CELF4: variants seen among roughly 807,000 people sequenced by gnomAD.
CELF4 encodes CUGBP Elav-like family member 4.
CELF4 carries 18 observed loss-of-function variants against 59.9 expected under a neutral mutation model. The observed-to-expected ratio is 0.30, with a 90% CI of 0.21 to 0.45. The LOEUF (loss-of-function observed/expected upper bound fraction) is 0.45. CELF4 is among the 20% of genes least tolerant of loss of function. CELF4 has a pLI of 1.00. For synonymous variants in CELF4, 261 were observed against 267.1 expected, an observed-to-expected ratio of 0.98 and a Z score of 0.22; for missense variants, 456 against 689.0, an observed-to-expected ratio of 0.66 and a Z score of 3.79.
chr18:37,453,720 G>A (rs984589582), intron 2 of CELF4, among the ~76,000 whole-genome samples: 1 of 152,176 alleles, frequency 6.6e-6, no homozygotes, highest in Non-Finnish European at 1.5e-5. Context: ...AGGGCAGGGT[G>A]CAGATGACCC....
chr18:37,274,398 C>A lies in CELF4; in HGVS notation c.714G>T (p.Met238Ile), dbSNP rs567447760. The A allele has an allele frequency of 1.2e-6, 2 of 1,613,630 alleles. No individual in the cohort carries two copies. The highest frequency in any genetic ancestry group is 2.7e-5 in the African/African-American group (2 of 75,076). Residue 238 changes from methionine (M) to isoleucine (I), a missense_variant, in exon 6 of 13, where the codon ATG becomes ATT. Coordinates refer to ENST00000420428, the MANE Select transcript of CELF4 (RefSeq NM_020180.4). ...GGCCAGCCATCTGCTGCATTCGCCGCATCGTGCGCTCCTTGTCGGTGTCGG... is the reference window on the plus strand; with the variant it reads ...GGCCAGCCATCTGCTGCATTCGCCGAATCGTGCGCTCCTTGTCGGTGTCGG... ...KFADTDKERT[M>I]RRMQQMAGQM...
chr18:37,425,269 T>G (rs1028758214), intron 2 of CELF4, among the ~76,000 whole-genome samples: 2 of 152,202 alleles, frequency 1.3e-5, no homozygotes, highest in African/African-American at 4.8e-5. Context: ...ATGACAGGAT[T>G]GTAGTCCTGC....
At chr18:37,381,667 G>A (rs1475176323) in intron 2 of CELF4, among the ~76,000 whole-genome samples, 1 of 152,140 alleles carries the variant, frequency 6.6e-6, no homozygotes, top group Non-Finnish European at 1.5e-5. Context: ...GGATGCTGGA[G>A]TTTTTAGACT....
At chr18:37,435,021 G>A (rs192949830) in intron 2 of CELF4, among the ~76,000 whole-genome samples, 63 of 152,228 alleles carry the variant, frequency 4.1e-4, no homozygotes, top group African/African-American at 1.5e-3. Flanking sequence ...GGGATCCAGG[G>A]GATGTAGGGA....
At chr18:37,369,220 T>A (rs1272862414) in intron 2 of CELF4, among the ~76,000 whole-genome samples, 1 of 151,732 alleles carries the variant, frequency 6.6e-6, no homozygotes, top group Non-Finnish European at 1.5e-5. Context: ...CCTATAACTA[T>A]CTCTCCCAGA....
intron 2 of CELF4, among the ~76,000 whole-genome samples, chr18:37,427,065 G>A (rs1238914192): frequency 6.6e-6 from 1 of 151,968 alleles, no homozygotes; most frequent in Non-Finnish European, 1.5e-5. Flanking sequence ...GGCACCCTGG[G>A]TGAAGCCCAC....
At chr18:37,301,759 G>T (rs1288018765) in intron 3 of CELF4, among the ~76,000 whole-genome samples, 1 of 152,142 alleles carries the variant, frequency 6.6e-6, no homozygotes, top group African/African-American at 2.4e-5. Flanking sequence ...GGCCTCACTC[G>T]GCTAATGGCT....
Position 37,314,357 on chromosome 18 carries a change from CG to C in CELF4, c.448+7445del, listed in dbSNP as rs35810104. The stretch of plus-strand genomic sequence containing the variant: ...GTAATCCCAGCTACTCTGGGGGCTG[CG>C]GCAGGAGGATCGCTTAAACCTGGGA... On this transcript the variant is annotated intron_variant, in intron 3 of 12. Coordinates refer to ENST00000420428, the MANE Select transcript of CELF4 (RefSeq NM_020180.4). Among the ~76,000 whole-genome samples the C allele has an allele frequency of 5.1e-3, 779 of 152,054 alleles. 5 individuals are homozygous for C. Among genetic ancestry groups the C allele is most frequent in the African/African-American group, 0.017 (720 of 41,484 alleles).
chr18:37,463,270 G>A (rs974182533), intron 2 of CELF4, among the ~76,000 whole-genome samples: 2 of 152,164 alleles, frequency 1.3e-5, no homozygotes, highest in African/African-American at 4.8e-5. Context: ...CATGTCCATG[G>A]CAGCGGGCAT....
At position 37,351,614 on chromosome 18, in the gene CELF4, T is replaced by C. The variant is rs1261945; in HGVS notation, c.370-29733A>G. Among the ~76,000 whole-genome samples, 49 of 9,766 alleles carry C rather than the reference T, an allele frequency of 5.0e-3. 1 individual carries two copies. Among genetic ancestry groups the C allele is most frequent in the East Asian group, 0.033 (6 of 182 alleles). The allele number at this position is 9,766 out of a possible 152,430, so 6.4% of individuals were successfully genotyped here. A position where few individuals can be genotyped will look rare whatever the true frequency, so the allele number is the denominator to read the frequency against. ...TTCTTTTCTTTTTCTTCTTCTTCTT[T>C]TTTTTTTTTTTTTTGAGACAGGGTC... On this transcript the variant is annotated intron_variant, in intron 2 of 12. Coordinates refer to ENST00000420428, the MANE Select transcript of CELF4 (RefSeq NM_020180.4).
At chr18:37,474,641 T>C (rs541493819) in intron 2 of CELF4, among the ~76,000 whole-genome samples, 1 of 152,374 alleles carries the variant, frequency 6.6e-6, no homozygotes, top group African/African-American at 2.4e-5. Context: ...ACCTGGGTGA[T>C]GCTGTCTTAA....
chr18:37,256,141 C>T (rs1242756961), intron 11 of CELF4, among the ~76,000 whole-genome samples: 1 of 152,220 alleles, frequency 6.6e-6, no homozygotes, highest in African/African-American at 2.4e-5. Context: ...CTTCCTTCTT[C>T]CAGAGCTACC....
At chr18:37,276,426 C>G (rs2093285143) in intron 3 of CELF4, 1 of 152,198 alleles carries the variant, frequency 6.6e-6, no homozygotes, top group African/African-American at 2.4e-5. Context: ...GAGGTTGGGT[C>G]ATAAAAGAGA....
At chr18:37,496,892 G>A (rs571500451) in intron 1 of CELF4, among the ~76,000 whole-genome samples, 1 of 152,192 alleles carries the variant, frequency 6.6e-6, no homozygotes, top group Admixed American at 6.5e-5. Flanking sequence ...CAGCCTCAAT[G>A]AGTCAATCCC....
chr18:37,445,224 C>G (rs2099744887), intron 2 of CELF4, among the ~76,000 whole-genome samples: 1 of 152,164 alleles, frequency 6.6e-6, no homozygotes, highest in African/African-American at 2.4e-5. Flanking sequence ...TTCAGAGACC[C>G]TGGGCTGCAG....
intron 2 of CELF4, among the ~76,000 whole-genome samples, chr18:37,376,616 T>C (rs1033933181): frequency 6.6e-6 from 1 of 152,192 alleles, no homozygotes; most frequent in African/African-American, 2.4e-5. Flanking sequence ...CCATAATCCA[T>C]CATCCTCAGG....
intron 3 of CELF4, among the ~76,000 whole-genome samples, chr18:37,310,600 C>T (rs1277730864): frequency 6.6e-6 from 1 of 152,208 alleles, no homozygotes; most frequent in African/African-American, 2.4e-5. Context: ...CAGGTGCTAC[C>T]ACTTCTGATC....
intron 3 of CELF4, among the ~76,000 whole-genome samples, chr18:37,282,998 C>T (rs142755674): frequency 7.4e-4 from 112 of 152,226 alleles, no homozygotes; most frequent in African/African-American, 2.2e-3. Flanking sequence ...GGGATCAGGA[C>T]GTGTTTGGGG....
At chr18:37,332,475 C>T (rs2097577849) in intron 2 of CELF4, among the ~76,000 whole-genome samples, 1 of 152,118 alleles carries the variant, frequency 6.6e-6, no homozygotes, top group East Asian at 1.9e-4. Context: ...GCGGGGGCTG[C>T]CTGCTCCTCC....
Sources: gnomAD v4.1 joint callset for allele counts (sites outside exome capture counted in the v4.1 genomes callset) on GRCh38, gnomAD v4.1.1 for gene constraint, MANE v1.5 for transcripts, NCBI Gene and HGNC (gene_info 2026-07-23, HGNC 2026-07-21) for gene names.